The following NPEPL1 variants were observed in gnomAD, a reference collection of about 807,000 sequenced individuals.
NPEPL1 encodes the protein aminopeptidase like 1.
A neutral mutation model predicts 52.4 loss-of-function variants in NPEPL1; 45 were observed. The observed-to-expected ratio is 0.86, with a 90% CI of 0.68 to 1.10. The LOEUF is 1.10. Among genes scored for constraint, NPEPL1 ranks in the 50% least tolerant of loss-of-function variants. The pLI is 0.00. For synonymous variants in NPEPL1, 360 were observed against 314.7 expected (o/e 1.14, Z -1.52); for missense variants, 696 against 710.9 (o/e 0.98, Z 0.24).
chr20:58,690,399 C>A (rs1601082910), upstream of NPEPL1, among the ~76,000 whole-genome samples: 2 of 152,242 alleles, frequency 1.3e-5, no homozygotes, highest in South Asian at 2.1e-4. Flanking sequence ...TATAGTAAGC[C>A]ATGGATTAAT....
chr20:58,692,782 G>GC (rs1466747810), upstream of NPEPL1: 11 of 968,150 alleles, frequency 1.1e-5, no homozygotes, highest in Non-Finnish European at 1.2e-5. The surrounding 1 kb of genome is among the most constrained non-coding windows in gnomAD (Gnocchi z 5.7). Flanking sequence ...GGGAGGCGGG[G>GC]CCCGCGGGCT....
rs372995399 is a variant in NPEPL1 at position 58,699,552 on chromosome 20, T to G, written c.679+274T>G. On this transcript the variant is annotated intron_variant, in intron 5 of 11. Transcript: ENST00000356091. Reference sequence around the variant, plus strand: ...CTGCAGCCTCTCCAGCGTCCTCGCGTGCTGCACACCCTTACTCCTGGGACT... The same window carrying G: ...CTGCAGCCTCTCCAGCGTCCTCGCGGGCTGCACACCCTTACTCCTGGGACT... Among the ~76,000 whole-genome samples the G allele has an allele frequency of 7.0e-4, 106 of 152,360 alleles. 3 individuals carry two copies. The South Asian group carries it at 0.019, about 27-fold the overall frequency.
intron 7 of NPEPL1, among the ~76,000 whole-genome samples, chr20:58,710,361 G>A (rs2084811290): frequency 6.6e-6 from 1 of 152,024 alleles, no homozygotes; most frequent in African/African-American, 2.4e-5. Context: ...CAATTTTTTT[G>A]TAAGTTTGAA....
At position 58,693,020 on chromosome 20, in the gene NPEPL1, C is replaced by A; in HGVS notation, c.120C>A (p.Arg40=). 1 of 1,086,446 alleles carries A rather than the reference C, an allele frequency of 9.2e-7. No homozygotes were observed. Among genetic ancestry groups the A allele is most frequent in the Non-Finnish European group, 1.1e-6 (1 of 887,886 alleles). The allele number at this position is 1,086,446 out of a possible 1,614,324, so 67.3% of individuals were successfully genotyped here. ...HLHRVPWSHV[R]GKLQPRVTEE... ...ACCGCGTGCCCTGGAGCCACGTCCG[C>A]GGGAAGCTGCAGCCCCGGGTCACCG... is the stretch of plus-strand genomic sequence containing the variant. The change falls in exon 1 of 12, where the codon CGC becomes CGA. Residue 40 remains arginine, a synonymous_variant. Transcript: ENST00000356091.
chr20:58,695,412 C>T (rs564294481), intron 3 of NPEPL1, among the ~76,000 whole-genome samples: 2 of 125,908 alleles, frequency 1.6e-5, no homozygotes, highest in South Asian at 2.6e-4. Flanking sequence ...GAGAATGATC[C>T]TTTTGAGGCT....
At position 58,713,989 on chromosome 20, in the gene NPEPL1, G is replaced by A; in HGVS notation, c.1198G>A (p.Ala400Thr). 6.6e-7 allele frequency: 1 copy of A among 1,524,242 alleles called. No homozygotes were observed. The highest frequency in any genetic ancestry group is 8.8e-7 in the Non-Finnish European group (1 of 1,139,108). 94.4% of individuals were successfully genotyped at this position (1,524,242 alleles called of 1,614,324 possible). Residue 400 changes from alanine (A) to threonine (T), a missense_variant, in exon 10 of 12, where the codon GCG becomes ACG. Coordinates refer to ENST00000356091, the MANE Select transcript of NPEPL1 (RefSeq NM_024663.4). The surrounding 1 kb of genome is among the most constrained non-coding windows in gnomAD (Gnocchi z 4.6). The stretch of plus-strand genomic sequence containing the variant: ...TGAGTGGGAGGCCGCCTGTGTGAAG[G>A]CGGGCAGGAAGTGTGGGGACCTGGT... ...SAEWEAACVK[A>T]GRKCGDLVHP...
intron 7 of NPEPL1, among the ~76,000 whole-genome samples, chr20:58,708,195 A>G (rs1409512315): frequency 6.6e-6 from 1 of 152,232 alleles, no homozygotes; most frequent in Admixed American, 6.5e-5. Context: ...TTGAAATGGA[A>G]AAACAAAAAG....
At chr20:58,708,105 T>C (rs1450241605) in intron 7 of NPEPL1, among the ~76,000 whole-genome samples, 2 of 151,782 alleles carry the variant, frequency 1.3e-5, no homozygotes, top group Non-Finnish European at 2.9e-5. Context: ...CAATGAGGAG[T>C]GTGCATTGAC....
chr20:58,709,919 G>C (rs754603666), intron 7 of NPEPL1, among the ~76,000 whole-genome samples: 3 of 152,178 alleles, frequency 2.0e-5, no homozygotes, highest in Non-Finnish European at 2.9e-5. Flanking sequence ...GGTCCCGAGA[G>C]GTGATGGTCC....
chr20:58,702,460 T>G (rs1256740672), intron 6 of NPEPL1, among the ~76,000 whole-genome samples: 1 of 152,184 alleles, frequency 6.6e-6, no homozygotes, highest in Non-Finnish European at 1.5e-5. Flanking sequence ...GGATGAGCAG[T>G]TCCCATCCCT....
rs536787675 is a variant in NPEPL1, at chr20:58,713,962, G to A, written c.1171G>A (p.Ala391Thr). The A allele has an allele frequency of 9.9e-5, 150 of 1,519,360 alleles. No individual in the cohort carries two copies. In the South Asian group the frequency reaches 1.3e-3, roughly 13 times the overall value. 94.1% of individuals were successfully genotyped at this position (1,519,360 alleles called of 1,614,324 possible). A position where few individuals can be genotyped will look rare whatever the true frequency, so the allele number is the denominator to read the frequency against. The change falls in exon 10 of 12, where the codon GCT (alanine) becomes ACT (threonine). Residue 391 changes from alanine to threonine, a missense_variant. Ala to Thr is a moderately conservative substitution (Grantham distance 58, BLOSUM62 0). Coordinates refer to ENST00000356091, the MANE Select transcript of NPEPL1 (RefSeq NM_024663.4). This position sits in a 1 kb window ranked among gnomAD's most constrained non-coding sequence, Gnocchi z 4.6. ...CCACGCCGCGGTGCTCACCAACAGC[G>A]CTGAGTGGGAGGCCGCCTGTGTGAA... ...KYHAAVLTNS[A>T]EWEAACVKAG...
At position 58,714,139 on chromosome 20, in the gene NPEPL1, C is replaced by T. The variant is rs553761986; in HGVS notation, c.1302+46C>T. ...CTGGAGCCTGCCACATGGGTGGAGCCGGGCAGGCGGAGCCCTGCCTTCAGG... is the reference window on the plus strand; with the variant it reads ...CTGGAGCCTGCCACATGGGTGGAGCTGGGCAGGCGGAGCCCTGCCTTCAGG... On this transcript the variant is annotated intron_variant, in intron 10 of 11. Coordinates refer to ENST00000356091, the MANE Select transcript of NPEPL1 (RefSeq NM_024663.4). 7.4e-5 allele frequency: 112 copies of T among 1,507,696 alleles called. No homozygotes were observed. The South Asian group carries it at 1.2e-3, about 16-fold the overall frequency. 93.4% of individuals were successfully genotyped at this position (1,507,696 alleles called of 1,614,324 possible).
upstream of NPEPL1, chr20:58,691,591 C>A: frequency 1.6e-6 from 1 of 630,788 alleles, no homozygotes. Flanking sequence ...GCTCCCGGGG[C>A]TACAAGTTAG....
rs763134556 is a variant in NPEPL1 at position 58,712,519 on chromosome 20, A to G, written c.941A>G (p.Glu314Gly). The G allele has an allele frequency of 1.9e-6, 3 of 1,613,450 alleles. No individual in the cohort carries two copies. The highest frequency in any genetic ancestry group is 3.3e-5 in the Admixed American group (2 of 59,970). Reference sequence around the variant, plus strand: ...CTCCACGCTGTGTTCTGCTTGGCTGAGAACTCGGTGGGGCCCAATGCGACA... The same window carrying G: ...CTCCACGCTGTGTTCTGCTTGGCTGGGAACTCGGTGGGGCCCAATGCGACA... ...DNLHAVFCLA[E>G]NSVGPNATRP... Residue 314 changes from glutamate (E) to glycine (G), a missense_variant, in exon 8 of 12, where the codon GAG becomes GGG. By Grantham distance (98) the Glu-to-Gly change is moderately conservative. Transcript: ENST00000356091.
chr20:58,699,243 T>C lies in NPEPL1; in HGVS notation c.644T>C (p.Ile215Thr). The C allele has an allele frequency of 6.2e-7, 1 of 1,607,282 alleles. No individual in the cohort carries two copies. Among genetic ancestry groups the C allele is most frequent in the Non-Finnish European group, 8.5e-7 (1 of 1,176,934 alleles). ...GKELGIIPTI[I>T]RDEELKTRGF... ...GAGCTGGGGATCATCCCAACCATCATCCGGGATGAGGAACTGAAGACGAGA... is the reference window on the plus strand; with the variant it reads ...GAGCTGGGGATCATCCCAACCATCACCCGGGATGAGGAACTGAAGACGAGA... Residue 215 changes from isoleucine (I) to threonine (T), a missense_variant, in exon 5 of 12, where the codon ATC (isoleucine) becomes ACC (threonine). Ile to Thr is a moderately conservative substitution (Grantham distance 89). Transcript: ENST00000356091.
At chr20:58,709,701 CA>C (rs1224059210) in intron 7 of NPEPL1, among the ~76,000 whole-genome samples, 2 of 152,234 alleles carry the variant, frequency 1.3e-5, no homozygotes, top group Non-Finnish European at 2.9e-5. Context: ...CAGGGAAGGA[CA>C]GAGCATTTCT....
chr20:58,701,393 G>T (rs1313255902), intron 6 of NPEPL1, among the ~76,000 whole-genome samples: 1 of 130,506 alleles, frequency 7.7e-6, no homozygotes, highest in Non-Finnish European at 1.6e-5. Context: ...GAGGGGCCCA[G>T]TTTGGGTCCA....
chr20:58,700,712 G>A (rs374007560), intron 5 of NPEPL1, among the ~76,000 whole-genome samples: 1 of 152,192 alleles, frequency 6.6e-6, no homozygotes, highest in Non-Finnish European at 1.5e-5. Context: ...TCCAAACATC[G>A]TTTCATTCTG....
rs7262862 is a variant in NPEPL1 at position 58,694,439 on chromosome 20, G to A, written c.354G>A (p.Pro118=). 81,485 of 1,611,918 alleles carry A rather than the reference G, an allele frequency of 0.051. 3,634 individuals are homozygous for A. Among genetic ancestry groups the A allele is most frequent in the African/African-American group, 0.24 (18,216 of 74,978 alleles). ...HRCIVMVCEQ[P]EVFASACALA... ...TGCCACAGATGGTCTGCGAGCAGCC[G>A]GAGGTCTTTGCTTCCGCCTGTGCCC... is the stretch of plus-strand genomic sequence containing the variant. The change falls in exon 3 of 12, where the codon CCG becomes CCA. Residue 118 remains proline (P), a synonymous_variant. Transcript: ENST00000356091.
Sources: allele counts gnomAD v4.1 joint callset (sites outside exome capture counted in the v4.1 genomes callset), GRCh38; gene constraint gnomAD v4.1.1; non-coding constraint Gnocchi (gnomAD v3.1); transcripts MANE v1.5; gene names NCBI Gene and HGNC (gene_info 2026-07-23, HGNC 2026-07-21).